Variants in ADRA1B observed in about 807,000 individuals in gnomAD.
ADRA1B encodes the protein adrenoceptor alpha 1B.
ADRA1B carries 17 observed loss-of-function variants against 17.9 expected under a neutral mutation model. The observed-to-expected ratio is 0.95, with a 90% CI of 0.65 to 1.42. The LOEUF is 1.42. ADRA1B is among the 40% of genes most tolerant of loss of function. ADRA1B has a pLI of 0.00. For synonymous variants in ADRA1B, 366 were observed against 327.6 expected, an observed-to-expected ratio of 1.12 and a Z score of -1.27; for missense variants, 681 against 722.1, an observed-to-expected ratio of 0.94 and a Z score of 0.65.
chr5:159,969,670 G>A (rs2113295953), intron 1 of ADRA1B, among the ~76,000 whole-genome samples: 1 of 152,378 alleles, frequency 6.6e-6, no homozygotes. Flanking sequence ...GGGAAGCTCA[G>A]TCTGAGAAGT....
intron 1 of ADRA1B, among the ~76,000 whole-genome samples, chr5:159,877,609 A>G (rs1753817357): frequency 6.6e-6 from 1 of 152,078 alleles, no homozygotes; most frequent in Non-Finnish European, 1.5e-5. Flanking sequence ...AATCACAGTC[A>G]TCATAGCCAC....
chr5:159,958,541 A>C (rs1178496129), intron 1 of ADRA1B, among the ~76,000 whole-genome samples: 4 of 151,932 alleles, frequency 2.6e-5, no homozygotes, highest in Non-Finnish European at 4.4e-5. Flanking sequence ...ATTCCTCTTT[A>C]TTTCCATTGA....
chr5:159,917,249 G>A lies in ADRA1B; in HGVS notation c.344G>A (p.Arg115Gln), dbSNP rs1273352160. 31 of 1,613,990 alleles carry A rather than the reference G, an allele frequency of 1.9e-5. No homozygotes were observed. The highest frequency in any genetic ancestry group is 2.6e-5 in the Non-Finnish European group (31 of 1,180,030). Residue 115 changes from arginine (R) to glutamine (Q), a missense_variant, in exon 1 of 2, where the codon CGG becomes CAG. Physicochemically the swap from Arg to Gln is conservative, Grantham distance 43. This residue lies in a region of ADRA1B where 424 missense variants were observed against 480.2 expected (regional missense o/e 0.88). Transcript: ENST00000306675. ...LEVLGYWVLG[R>Q]IFCDIWAAVD... ...GTGCTCGGCTACTGGGTGCTGGGGC[G>A]GATCTTCTGTGACATCTGGGCAGCC...
At chr5:159,912,519 C>T (rs1272585329), upstream of ADRA1B, among the ~76,000 whole-genome samples, 2 of 152,246 alleles carry the variant, frequency 1.3e-5, no homozygotes, top group African/African-American at 4.8e-5. Flanking sequence ...CTGACCTCTG[C>T]CTTACTAAGG....
intron 1 of ADRA1B, chr5:159,951,377 G>C (rs1487266149): frequency 1.0e-6 from 1 of 978,372 alleles, no homozygotes; most frequent in Non-Finnish European, 1.6e-6. Flanking sequence ...AAACCATGTA[G>C]TTGAGGTCAA....
intron 1 of ADRA1B, among the ~76,000 whole-genome samples, chr5:159,967,996 A>G (rs2113293545): frequency 6.6e-6 from 1 of 152,228 alleles, no homozygotes. Context: ...CCCCCTTCCT[A>G]ATGCTACATG....
chr5:159,978,605 A>G, the ADRA1B span, among the ~76,000 whole-genome samples: 2,151 of 152,224 alleles, frequency 0.014, 42 homozygotes, highest in African/African-American at 0.048. Flanking sequence ...TGGATCTGTC[A>G]CTCCAGCTTT....
intron 1 of ADRA1B, among the ~76,000 whole-genome samples, chr5:159,940,186 G>A (rs1035276646): frequency 1.3e-5 from 2 of 152,328 alleles, no homozygotes; most frequent in East Asian, 3.9e-4. Context: ...GACTTTGCTT[G>A]ACCAAACTTT....
intron 1 of ADRA1B, chr5:159,870,036 T>C (rs1196700903): frequency 1.3e-5 from 2 of 152,132 alleles, no homozygotes; most frequent in African/African-American, 4.8e-5. Context: ...GCCAAGAGGT[T>C]GGAGGGTGTA....
chr5:159,953,203 A>G (rs1443956700), intron 1 of ADRA1B, among the ~76,000 whole-genome samples: 1 of 152,060 alleles, frequency 6.6e-6, no homozygotes, highest in Non-Finnish European at 1.5e-5. Context: ...TCTACTAAAA[A>G]TACAAAATTA....
At chr5:159,954,191 G>A (rs1006836729) in intron 1 of ADRA1B, among the ~76,000 whole-genome samples, 7 of 152,218 alleles carry the variant, frequency 4.6e-5, no homozygotes, top group Non-Finnish European at 8.8e-5. Context: ...TCCGGCTGCT[G>A]TAACAAGGTA....
At chr5:159,928,208 G>A (rs541028267) in intron 1 of ADRA1B, among the ~76,000 whole-genome samples, 35 of 152,116 alleles carry the variant, frequency 2.3e-4, no homozygotes, top group Non-Finnish European at 4.6e-4. Context: ...AAAGTGAGCT[G>A]TGTTTTAAGG....
At chr5:159,938,515 G>A (rs1475969775) in intron 1 of ADRA1B, among the ~76,000 whole-genome samples, 1 of 152,132 alleles carries the variant, frequency 6.6e-6, no homozygotes, top group Non-Finnish European at 1.5e-5. Context: ...TGGGTAATGA[G>A]ACTAGAACAG....
upstream of ADRA1B, among the ~76,000 whole-genome samples, chr5:159,913,722 A>G (rs1754251243): frequency 6.6e-6 from 1 of 152,050 alleles, no homozygotes; most frequent in African/African-American, 2.4e-5. Flanking sequence ...GAGTTTTCAC[A>G]TTGCAGCTGG....
At chr5:159,905,583 A>T (rs1380782384) in intron 1 of ADRA1B, among the ~76,000 whole-genome samples, 2 of 152,254 alleles carry the variant, frequency 1.3e-5, no homozygotes, top group Admixed American at 1.3e-4. Context: ...CCTTGGAGGA[A>T]CAAAAAGAAA....
intron 1 of ADRA1B, 25 bp from the exon 2 acceptor site, chr5:159,971,854 G>GGGGGGGGGGT: frequency 7.6e-7 from 1 of 1,311,138 alleles, no homozygotes; most frequent in Non-Finnish European, 9.8e-7. Context: ...CTTTCTGCCC[G>GGGGGGGGGGT]TGCCCACCCC....
At chr5:159,919,854 CATATTCAAATGGGAAGAACACGG>C (rs1754429088) in intron 1 of ADRA1B, among the ~76,000 whole-genome samples, 2 of 152,188 alleles carry the variant, frequency 1.3e-5, no homozygotes, top group South Asian at 4.1e-4. Context: ...AGGCTTCCAG[CATATTCAAATGGGAAGAACACGG>C]CTCTGGTGAT....
chr5:159,950,988 C>T, intron 1 of ADRA1B: 1 of 632,290 alleles, frequency 1.6e-6, no homozygotes, highest in Non-Finnish European at 3.0e-6. Context: ...TGGAATCTTT[C>T]CACAATACCA....
chr5:159,914,108 G>T (rs571391276), upstream of ADRA1B, among the ~76,000 whole-genome samples: 1 of 152,250 alleles, frequency 6.6e-6, no homozygotes, highest in Admixed American at 6.5e-5. Flanking sequence ...GGTGCCTTCG[G>T]GGGCCACTTT....
Sources: allele counts gnomAD v4.1 joint callset (sites outside exome capture counted in the v4.1 genomes callset), GRCh38; gene constraint gnomAD v4.1.1; regional missense constraint gnomAD v4.1.1; transcripts MANE v1.5; gene names NCBI Gene and HGNC (gene_info 2026-07-23, HGNC 2026-07-21).